Variants in ADAMTS17 observed in about 807,000 individuals in gnomAD.
ADAMTS17 encodes the protein A disintegrin and metalloproteinase with thrombospondin motifs 17.
A neutral mutation model predicts 141.5 loss-of-function variants in ADAMTS17; 113 were observed. That is an observed-to-expected ratio of 0.80 (90% CI 0.69 to 0.93). ADAMTS17 has a LOEUF of 0.93. Among genes scored for constraint, ADAMTS17 ranks in the 40% least tolerant of loss-of-function variants. The pLI is 0.00. For missense variants in ADAMTS17, 1,659 were observed against 1,517.9 expected (o/e 1.09, Z -1.54); for synonymous variants, 768 against 630.6 (o/e 1.22, Z -3.27).
At chr15:100,172,557 C>A (rs1460108308) in intron 8 of ADAMTS17, among the ~76,000 whole-genome samples, 1 of 152,184 alleles carries the variant, frequency 6.6e-6, no homozygotes, top group Non-Finnish European at 1.5e-5. Context: ...TGATTCATCC[C>A]AGTCACCTGC....
rs540074131 is a variant in ADAMTS17, at chr15:99,997,337, T to C, written c.2796+48A>G. ...GAATGTCACCAATACCATGGCACCG[T>C]GTTGGAGTCCCTGTGGCTGAGTCCT... On this transcript the variant is annotated intron_variant, in intron 19 of 21. Coordinates refer to ENST00000268070, the MANE Select transcript of ADAMTS17 (RefSeq NM_139057.4). The surrounding 1 kb of genome is among the most constrained non-coding windows in gnomAD (Gnocchi z 4.7). 6.2e-6 allele frequency: 10 copies of C among 1,605,940 alleles called. No individual in the cohort carries two copies. The African/African-American group carries it at 9.3e-5, about 15-fold the overall frequency.
At chr15:100,241,856 G>A (rs555557861) in intron 7 of ADAMTS17, among the ~76,000 whole-genome samples, 4 of 152,154 alleles carry the variant, frequency 2.6e-5, no homozygotes, top group Non-Finnish European at 4.4e-5. Flanking sequence ...AATCCAAGTC[G>A]TCTATGCTAG....
intron 4 of ADAMTS17, among the ~76,000 whole-genome samples, chr15:100,277,890 A>G (rs754350802): frequency 6.6e-6 from 1 of 152,276 alleles, no homozygotes; most frequent in East Asian, 1.9e-4. Context: ...CAACCCAGGC[A>G]TATGCTGACA....
At chr15:100,051,279 A>C (rs1039000237) in intron 17 of ADAMTS17, among the ~76,000 whole-genome samples, 4 of 152,126 alleles carry the variant, frequency 2.6e-5, no homozygotes, top group African/African-American at 9.7e-5. Flanking sequence ...CCCAGGGTCC[A>C]CCTGTCACAC....
chr15:100,048,796 C>G, intron 18 of ADAMTS17, 61 bp downstream of exon 18: 1 of 1,612,286 alleles, frequency 6.2e-7, no homozygotes, highest in Non-Finnish European at 8.5e-7. Context: ...CACTCCCCAC[C>G]ACTGATGGTG....
chr15:100,150,985 C>T (rs2039134433), intron 10 of ADAMTS17, among the ~76,000 whole-genome samples: 1 of 152,250 alleles, frequency 6.6e-6, no homozygotes, highest in Non-Finnish European at 1.5e-5. Flanking sequence ...TCTTGGCAGG[C>T]ACTGTGCGTG....
chr15:100,157,718 T>C (rs2039499995), intron 8 of ADAMTS17, among the ~76,000 whole-genome samples: 1 of 152,146 alleles, frequency 6.6e-6, no homozygotes, highest in African/African-American at 2.4e-5. Context: ...ATGACAAGTG[T>C]GTTGATCTGG....
At chr15:100,061,346 T>A (rs2033106829) in intron 15 of ADAMTS17, among the ~76,000 whole-genome samples, 3 of 152,108 alleles carry the variant, frequency 2.0e-5, no homozygotes, top group African/African-American at 7.2e-5. Context: ...GAGCAAGACC[T>A]TGCAGCCCAT....
chr15:100,321,131 T>C (rs1302325845), intron 3 of ADAMTS17, among the ~76,000 whole-genome samples: 1 of 152,204 alleles, frequency 6.6e-6, no homozygotes, highest in Non-Finnish European at 1.5e-5. Flanking sequence ...TTTTATATTA[T>C]CAATGAAGGA....
At chr15:100,033,731 C>G (rs960299478) in intron 18 of ADAMTS17, among the ~76,000 whole-genome samples, 13 of 152,198 alleles carry the variant, frequency 8.5e-5, no homozygotes, top group African/African-American at 2.9e-4. Context: ...GCTGCTCCAG[C>G]CAATTCGGGG....
intron 8 of ADAMTS17, among the ~76,000 whole-genome samples, chr15:100,185,170 T>A (rs1466588700): frequency 0.013 from 1,933 of 152,248 alleles, 43 homozygotes; most frequent in African/African-American, 0.043. Context: ...ACTTACAAGC[T>A]CTGGGACCAT....
chr15:100,337,088 CT>C (rs1388183727), intron 2 of ADAMTS17, among the ~76,000 whole-genome samples: 3 of 152,362 alleles, frequency 2.0e-5, no homozygotes, highest in African/African-American at 7.2e-5. Flanking sequence ...TTGGCCAAGA[CT>C]GGTCTTGAGC....
chr15:100,025,777 C>G (rs8043264), intron 18 of ADAMTS17, among the ~76,000 whole-genome samples: 1 of 152,150 alleles, frequency 6.6e-6, no homozygotes, highest in African/African-American at 2.4e-5. Flanking sequence ...TACACTTGAT[C>G]TCAACTTTGT....
chr15:100,079,136 A>G (rs2034569170), intron 15 of ADAMTS17, among the ~76,000 whole-genome samples: 1 of 152,212 alleles, frequency 6.6e-6, no homozygotes, highest in Non-Finnish European at 1.5e-5. Context: ...CACTTTGGAA[A>G]AGAGTTTGGC....
chr15:100,032,385 G>A (rs145365195), intron 18 of ADAMTS17, among the ~76,000 whole-genome samples: 300 of 152,284 alleles, frequency 2.0e-3, no homozygotes, highest in Non-Finnish European at 3.4e-3. Flanking sequence ...GATATGTCCT[G>A]AATTTTCATT....
intron 13 of ADAMTS17, among the ~76,000 whole-genome samples, chr15:100,114,293 G>T (rs538873187): frequency 3.6e-4 from 55 of 151,966 alleles, no homozygotes; most frequent in Non-Finnish European, 7.1e-4. Context: ...AGTCATAATG[G>T]GCTTCAGAAG....
At chr15:100,100,067 GTC>G (rs1050421694) in intron 14 of ADAMTS17, among the ~76,000 whole-genome samples, 18 of 152,314 alleles carry the variant, frequency 1.2e-4, no homozygotes, top group African/African-American at 4.3e-4. Context: ...CGCCCACCCT[GTC>G]TCTGTTGTGC....
chr15:100,283,928 A>G (rs2044365364), intron 3 of ADAMTS17, among the ~76,000 whole-genome samples: 1 of 152,182 alleles, frequency 6.6e-6, no homozygotes, highest in Admixed American at 6.5e-5. Flanking sequence ...CAACCTGGTG[A>G]AACCCCGTCT....
intron 10 of ADAMTS17, among the ~76,000 whole-genome samples, chr15:100,148,046 C>G (rs768196490): frequency 6.6e-6 from 1 of 152,218 alleles, no homozygotes; most frequent in Non-Finnish European, 1.5e-5. Flanking sequence ...TCTCTTATTA[C>G]TCACCCTGAT....
Sources: gnomAD v4.1 joint callset for allele counts (sites outside exome capture counted in the v4.1 genomes callset) on GRCh38, gnomAD v4.1.1 for gene constraint, Gnocchi (gnomAD v3.1) non-coding constraint, MANE v1.5 for transcripts, NCBI Gene and HGNC (gene_info 2026-07-23, HGNC 2026-07-21) for gene names.